PPP2R5B: variants seen among roughly 807,000 people sequenced by gnomAD.
PPP2R5B encodes protein phosphatase 2 regulatory subunit B'beta, also known as serine/threonine-protein phosphatase 2A 56 kDa regulatory subunit beta isoform.
A neutral mutation model predicts 59.9 loss-of-function variants in PPP2R5B; 19 were observed. That is an observed-to-expected ratio of 0.32 (90% CI 0.22 to 0.47). The LOEUF (loss-of-function observed/expected upper bound fraction) is 0.47, where lower values mean the gene tolerates loss of function less well. Ranked by LOEUF, PPP2R5B falls within the 20% of genes least tolerant of loss-of-function variation. The pLI, the probability that PPP2R5B is intolerant of heterozygous loss-of-function variation, is 1.00. For synonymous variants in PPP2R5B, 286 were observed against 260.5 expected, an observed-to-expected ratio of 1.10 and a Z score of -0.94; for missense variants, 441 against 640.2, an observed-to-expected ratio of 0.69 and a Z score of 3.36.
Position 64,933,235 on chromosome 11 carries a change from G to A in PPP2R5B, c.1335G>A (p.Leu445=), listed in dbSNP as rs1203054222. 6.2e-7 allele frequency: 1 copy of A among 1,608,932 alleles called. No individual in the cohort carries two copies. Among genetic ancestry groups the A allele is most frequent in the South Asian group, 1.1e-5 (1 of 90,962 alleles). The stretch of plus-strand genomic sequence containing the variant: ...ATGAGCTCACAGCCTCCTACAAGCT[G>A]GAAAAGCAGCAGTGAGTGTTGGGGG... ...LFDELTASYK[L]EKQQEQQKAQ... is the part of the protein sequence containing the mutation. Residue 445 remains leucine (L), a synonymous_variant, in exon 13 of 14, where the codon CTG becomes CTA. Transcript: ENST00000164133.
At chr11:64,928,013 G>A (rs1354674216) in intron 4 of PPP2R5B, 53 bp from the exon 5 acceptor site, 1 of 1,584,056 alleles carries the variant, frequency 6.3e-7, no homozygotes, top group Non-Finnish European at 8.7e-7. Flanking sequence ...AGGGTGGAAT[G>A]AGTGGGTGAG....
At position 64,926,842 on chromosome 11, in the gene PPP2R5B, G is replaced by T. The variant is rs201191328; in HGVS notation, c.330G>T (p.Leu110=). The part of the protein sequence containing the change: ...KEVKRAALNE[L]VECVGSTRGV... Reference sequence around the variant, plus strand: ...TGAAGCGGGCAGCCCTCAACGAGCTGGTGGAGTGTGTGGGGAGCACCCGGG... The same window carrying T: ...TGAAGCGGGCAGCCCTCAACGAGCTTGTGGAGTGTGTGGGGAGCACCCGGG... The change falls in exon 3 of 14, where the codon CTG becomes CTT. Residue 110 remains leucine (L), a synonymous_variant. Transcript: ENST00000164133. 1.2e-6 allele frequency: 2 copies of T among 1,614,222 alleles called. No homozygotes were observed. Among genetic ancestry groups the T allele is most frequent in the East Asian group, 2.2e-5 (1 of 44,888 alleles).
At chr11:64,919,839 C>G (rs773550190), upstream of PPP2R5B, among the ~76,000 whole-genome samples, 1 of 152,162 alleles carries the variant, frequency 6.6e-6, no homozygotes, top group East Asian at 1.9e-4. Flanking sequence ...ACCATATGCT[C>G]ATGAGGGAGG....
At chr11:64,927,755 C>A in intron 3 of PPP2R5B, 47 bp from the exon 4 acceptor site, 1 of 1,349,814 alleles carries the variant, frequency 7.4e-7, no homozygotes. Flanking sequence ...TCCCTGGCTT[C>A]TGTCTTCAAG....
intron 6 of PPP2R5B, 51 bp from the exon 7 acceptor site, chr11:64,930,271 C>T (rs1311372580): frequency 6.3e-7 from 1 of 1,595,662 alleles, no homozygotes; most frequent in Non-Finnish European, 8.6e-7. Flanking sequence ...CCTAAGGGGG[C>T]ACTGGGCCTA....
chr11:64,919,103 G>A (rs1945085441), intron 1 of PPP2R5B, among the ~76,000 whole-genome samples: 1 of 152,206 alleles, frequency 6.6e-6, no homozygotes, highest in Admixed American at 6.5e-5. Flanking sequence ...CACTTTGGGA[G>A]GCCAAGGCGG....
At chr11:64,922,112 T>G (rs1945114370), upstream of PPP2R5B, among the ~76,000 whole-genome samples, 2 of 151,072 alleles carry the variant, frequency 1.3e-5, no homozygotes, top group South Asian at 4.2e-4. Flanking sequence ...GGACTGAGGC[T>G]GAGGTGGGAG....
At position 64,933,196 on chromosome 11, in the gene PPP2R5B, T is replaced by C; in HGVS notation, c.1296T>C (p.Asn432=). The C allele has an allele frequency of 6.2e-7, 1 of 1,613,504 alleles. No homozygotes were observed. The highest frequency in any genetic ancestry group is 8.5e-7 in the Non-Finnish European group (1 of 1,179,626). Residue 432 remains asparagine, a synonymous_variant, in exon 13 of 14, where the codon AAT becomes AAC. Transcript: ENST00000164133. ...TGCTCAAGACCTTCATGGAGATGAA[T>C]GGGAAGCTGTTTGATGAGCTCACAG... The part of the protein sequence containing the change: ...YNVLKTFMEM[N]GKLFDELTAS...
At position 64,933,201 on chromosome 11, in the gene PPP2R5B, A is replaced by G. The variant is rs1334703545; in HGVS notation, c.1301A>G (p.Lys434Arg). 3 of 1,613,546 alleles carry G rather than the reference A, an allele frequency of 1.9e-6. No homozygotes were observed. The highest frequency in any genetic ancestry group is 3.3e-5 in the Admixed American group (2 of 60,016). Residue 434 changes from lysine to arginine, a missense_variant, in exon 13 of 14, where the codon AAG (lysine) becomes AGG (arginine). Physicochemically the swap from Lys to Arg is conservative, Grantham distance 26. This residue lies in a region of PPP2R5B where 268 missense variants were observed against 488.1 expected (regional missense o/e 0.55). Coordinates refer to ENST00000164133, the MANE Select transcript of PPP2R5B (RefSeq NM_006244.4). ...VLKTFMEMNG[K>R]LFDELTASYK... ...AAGACCTTCATGGAGATGAATGGGA[A>G]GCTGTTTGATGAGCTCACAGCCTCC...
At chr11:64,928,791 G>A (rs1045408950) in intron 6 of PPP2R5B, among the ~76,000 whole-genome samples, 1 of 152,192 alleles carries the variant, frequency 6.6e-6, no homozygotes. Flanking sequence ...GGCTGAGGCA[G>A]GAGAATGGCG....
intron 6 of PPP2R5B, among the ~76,000 whole-genome samples, chr11:64,929,077 A>G (rs1945202223): frequency 6.6e-6 from 1 of 152,204 alleles, no homozygotes; most frequent in Non-Finnish European, 1.5e-5. Flanking sequence ...GTAACGTATT[A>G]CATATTGATT....
rs895042693 is a variant in PPP2R5B, at chr11:64,925,497, TCTTCGGGACC to T, written c.-236_-227del. On this transcript the variant is annotated 5_prime_UTR_variant, in exon 2 of 14. Transcript: ENST00000164133. The surrounding 1 kb of genome is among the most constrained non-coding windows in gnomAD (Gnocchi z 4.6). The stretch of plus-strand genomic sequence containing the variant: ...GCCAGGGTGGGAACCCTAACTGGAC[TCTTCGGGACC>T]CCCAGGAAGGATCTGAGGCCTGAGC... 2 of 470,388 alleles carry T rather than the reference TCTTCGGGACC, an allele frequency of 4.3e-6. No individual in the cohort carries two copies. The highest frequency in any genetic ancestry group is 4.0e-5 in the African/African-American group (2 of 49,508). 29.1% of individuals were successfully genotyped at this position (470,388 alleles called of 1,614,324 possible). A position where few individuals can be genotyped will look rare whatever the true frequency, so the allele number is the denominator to read the frequency against.
In PPP2R5B at chr11:64,934,038, A is replaced by G; in HGVS notation, c.*194A>G. The G allele has an allele frequency of 1.6e-6, 1 of 640,492 alleles. No homozygotes were observed. Among genetic ancestry groups the G allele is most frequent in the Non-Finnish European group, 2.4e-6 (1 of 415,912 alleles). The allele number at this position is 640,492 out of a possible 1,614,324, so 39.7% of individuals were successfully genotyped here. A position where few individuals can be genotyped will look rare whatever the true frequency, so the allele number is the denominator to read the frequency against. Reference sequence around the variant, plus strand: ...TGGTGGTCTTGGCAACAGAATGCTCAGCCCCTCGTGGCAGGACTTGACAAG... The same window carrying G: ...TGGTGGTCTTGGCAACAGAATGCTCGGCCCCTCGTGGCAGGACTTGACAAG... On this transcript the variant is annotated 3_prime_UTR_variant, in exon 14 of 14. Coordinates refer to ENST00000164133, the MANE Select transcript of PPP2R5B (RefSeq NM_006244.4).
chr11:64,920,043 G>A (rs993285574), upstream of PPP2R5B, among the ~76,000 whole-genome samples: 1 of 151,660 alleles, frequency 6.6e-6, no homozygotes, highest in Non-Finnish European at 1.5e-5. Flanking sequence ...ATCCCGGGGG[G>A]CAGAGGTTGC....
intron 4 of PPP2R5B, 74 bp downstream of exon 4, chr11:64,927,977 C>A: frequency 1.3e-6 from 2 of 1,560,150 alleles, no homozygotes; most frequent in Non-Finnish European, 1.8e-6. Context: ...GCCTCCTTAG[C>A]CCCTAGACAG....
intron 1 of PPP2R5B, chr11:64,918,285 C>T (rs984973589): frequency 6.6e-6 from 1 of 152,244 alleles, no homozygotes; most frequent in Non-Finnish European, 1.5e-5. Flanking sequence ...TTGCCAACCG[C>T]TGCTCTGTAG....
chr11:64,927,857 C>T lies in PPP2R5B; in HGVS notation c.452C>T (p.Pro151Leu), dbSNP rs973020818. Residue 151 changes from proline (P) to leucine (L), a missense_variant, in exon 4 of 14, where the codon CCT becomes CTT. Physicochemically the swap from Pro to Leu is moderately conservative, Grantham distance 98. Coordinates refer to ENST00000164133, the MANE Select transcript of PPP2R5B (RefSeq NM_006244.4). ...CCCAGTGAGAACCCTGAATTTGACCCTGAAGAGGATGAGCCCAATCTTGAG... is the reference window on the plus strand; with the variant it reads ...CCCAGTGAGAACCCTGAATTTGACCTTGAAGAGGATGAGCCCAATCTTGAG... ...LPPSENPEFD[P>L]EEDEPNLEPS... 2.5e-5 allele frequency: 41 copies of T among 1,613,088 alleles called. 1 individual carries two copies. Among genetic ancestry groups the T allele is most frequent in the Non-Finnish European group, 1.3e-5 (15 of 1,179,170 alleles).
chr11:64,930,431 C>A, intron 7 of PPP2R5B, 50 bp downstream of exon 7: 1 of 1,613,522 alleles, frequency 6.2e-7, no homozygotes, highest in Non-Finnish European at 8.5e-7. Context: ...GAAGGAGGGA[C>A]TGGGGCCAGG....
chr11:64,933,915 C>T lies in PPP2R5B; in HGVS notation c.*71C>T. 2 of 1,416,888 alleles carry T rather than the reference C, an allele frequency of 1.4e-6. No homozygotes were observed. Among genetic ancestry groups the T allele is most frequent in the Non-Finnish European group, 1.9e-6 (2 of 1,078,218 alleles). The allele number at this position is 1,416,888 out of a possible 1,614,324, so 87.8% of individuals were successfully genotyped here. A position where few individuals can be genotyped will look rare whatever the true frequency, so the allele number is the denominator to read the frequency against. On this transcript the variant is annotated 3_prime_UTR_variant, in exon 14 of 14. Coordinates refer to ENST00000164133, the MANE Select transcript of PPP2R5B (RefSeq NM_006244.4). ...CTCTATCCCTTCTCCTGTCCAGGGGCCCAGAGAGAAACACACCTACCCCTG... is the reference window on the plus strand; with the variant it reads ...CTCTATCCCTTCTCCTGTCCAGGGGTCCAGAGAGAAACACACCTACCCCTG...
Sources: allele counts gnomAD v4.1 joint callset (sites outside exome capture counted in the v4.1 genomes callset), GRCh38; gene constraint gnomAD v4.1.1; regional missense constraint gnomAD v4.1.1; non-coding constraint Gnocchi (gnomAD v3.1); transcripts MANE v1.5; gene names NCBI Gene and HGNC (gene_info 2026-07-23, HGNC 2026-07-21).